Variants in PSD3 observed in about 807,000 individuals in gnomAD.
PSD3 encodes the protein pleckstrin and Sec7 domain containing 3.
PSD3 carries 49 observed loss-of-function variants against 105.5 expected under a neutral mutation model. The observed-to-expected ratio is 0.46, with a 90% CI of 0.37 to 0.59. The LOEUF (loss-of-function observed/expected upper bound fraction) is 0.59. PSD3 is among the 20% of genes least tolerant of loss of function. PSD3 has a pLI of 0.00. For synonymous variants in PSD3, 557 were observed against 457.8 expected, an observed-to-expected ratio of 1.22 and a Z score of -2.77; for missense variants, 1,561 against 1,263.8, an observed-to-expected ratio of 1.24 and a Z score of -3.57.
At chr8:18,559,513 C>A (rs1471797642) in intron 14 of PSD3, among the ~76,000 whole-genome samples, 1 of 152,026 alleles carries the variant, frequency 6.6e-6, no homozygotes, top group Non-Finnish European at 1.5e-5. Context: ...AAATCAAACT[C>A]TTTCTATTTG....
intron 1 of PSD3, among the ~76,000 whole-genome samples, chr8:18,966,570 A>T (rs1160852010): frequency 1.3e-4 from 2 of 15,556 alleles, no homozygotes; most frequent in Non-Finnish European, 3.7e-4. Flanking sequence ...GACTGTCTTA[A>T]AAAAAAAAAA....
At chr8:18,702,100 G>A (rs765729713) in intron 9 of PSD3, among the ~76,000 whole-genome samples, 1 of 152,184 alleles carries the variant, frequency 6.6e-6, no homozygotes, top group South Asian at 2.1e-4. Flanking sequence ...CAGATACTCC[G>A]ACTGATATTT....
chr8:18,543,310 C>G (rs1382399113), intron 15 of PSD3, among the ~76,000 whole-genome samples: 1 of 152,020 alleles, frequency 6.6e-6, no homozygotes, highest in African/African-American at 2.4e-5. Flanking sequence ...CTTCGATTAT[C>G]TGTAAAAATA....
intron 9 of PSD3, among the ~76,000 whole-genome samples, chr8:18,688,777 C>G (rs540776406): frequency 4.9e-4 from 74 of 152,286 alleles, no homozygotes; most frequent in African/African-American, 1.8e-3. Context: ...TGTCCTGCCC[C>G]ATCTGGCTCT....
chr8:18,856,939 A>C (rs1816057707), intron 4 of PSD3, among the ~76,000 whole-genome samples: 1 of 152,074 alleles, frequency 6.6e-6, no homozygotes, highest in African/African-American at 2.4e-5. Context: ...TGACTTAGAC[A>C]GAGAATTGAC....
chr8:18,727,841 T>A (rs890316371), intron 9 of PSD3, among the ~76,000 whole-genome samples: 6 of 152,144 alleles, frequency 3.9e-5, no homozygotes, highest in African/African-American at 1.4e-4. Context: ...TCCAAGTTTG[T>A]AACATATCCC....
chr8:19,068,244 A>T (rs1829141315), intron 1 of PSD3, among the ~76,000 whole-genome samples: 1 of 151,898 alleles, frequency 6.6e-6, no homozygotes, highest in South Asian at 2.1e-4. Context: ...ATTTTAAAAA[A>T]AAATAGATTC....
chr8:18,765,416 G>T, intron 9 of PSD3, 33 bp downstream of exon 9: 1 of 1,521,450 alleles, frequency 6.6e-7, no homozygotes, highest in Non-Finnish European at 9.1e-7. Context: ...AGAAATACAA[G>T]CATACACTAA....
chr8:19,071,117 T>C (rs1333956065), intron 1 of PSD3, among the ~76,000 whole-genome samples: 3 of 151,824 alleles, frequency 2.0e-5, no homozygotes, highest in Non-Finnish European at 4.4e-5. Flanking sequence ...TGGAGAGCAA[T>C]GGTGCAATCT....
chr8:18,946,316 C>T (rs1822852270), intron 1 of PSD3, among the ~76,000 whole-genome samples: 1 of 152,100 alleles, frequency 6.6e-6, no homozygotes, highest in South Asian at 2.1e-4. Flanking sequence ...GTGGCTCATG[C>T]TGTAATCTCA....
chr8:18,994,847 G>A (rs911439392), intron 1 of PSD3, among the ~76,000 whole-genome samples: 20 of 151,600 alleles, frequency 1.3e-4, no homozygotes, highest in Non-Finnish European at 2.9e-4. Flanking sequence ...ATGGTCTAAA[G>A]TATAGCAGAA....
At chr8:18,684,784 T>G (rs1005547785) in intron 9 of PSD3, among the ~76,000 whole-genome samples, 1 of 152,018 alleles carries the variant, frequency 6.6e-6, no homozygotes, top group East Asian at 1.9e-4. Context: ...TGGCACAGAG[T>G]GAGAGCAATA....
chr8:19,052,912 T>C (rs1019757556), intron 1 of PSD3, among the ~76,000 whole-genome samples: 1 of 152,128 alleles, frequency 6.6e-6, no homozygotes, highest in African/African-American at 2.4e-5. Flanking sequence ...CCAGGCTTAC[T>C]TGTAGAGGGC....
At chr8:19,058,795 G>C (rs1488289234) in intron 1 of PSD3, among the ~76,000 whole-genome samples, 2 of 152,134 alleles carry the variant, frequency 1.3e-5, no homozygotes, top group African/African-American at 4.8e-5. Flanking sequence ...GGCCTGTAGG[G>C]TGAGAGGGAG....
chr8:18,657,003 G>A (rs920750951), intron 9 of PSD3, among the ~76,000 whole-genome samples: 5 of 152,206 alleles, frequency 3.3e-5, no homozygotes, highest in African/African-American at 9.7e-5. Context: ...ATATTATGAT[G>A]ATGTTGGAAC....
intron 2 of PSD3, among the ~76,000 whole-genome samples, chr8:18,893,282 T>G (rs780501340): frequency 6.6e-6 from 1 of 151,338 alleles, no homozygotes; most frequent in Non-Finnish European, 1.5e-5. Context: ...CCTGAGGGGG[T>G]TTATATAATA....
chr8:18,930,561 C>T (rs1367077605), intron 2 of PSD3, among the ~76,000 whole-genome samples: 1 of 145,836 alleles, frequency 6.9e-6, no homozygotes, highest in Non-Finnish European at 1.5e-5. Flanking sequence ...TCTTAACTAA[C>T]TTTTTCAATT....
chr8:18,647,208 G>T (rs1032735827), intron 10 of PSD3, among the ~76,000 whole-genome samples: 2 of 152,154 alleles, frequency 1.3e-5, no homozygotes, highest in African/African-American at 4.8e-5. Flanking sequence ...TTTGCAACAA[G>T]GAAATGAAAA....
chr8:18,649,281 T>G (rs1343082867), intron 10 of PSD3, among the ~76,000 whole-genome samples: 1 of 152,202 alleles, frequency 6.6e-6, no homozygotes, highest in Non-Finnish European at 1.5e-5. Context: ...GCCCAAGGCC[T>G]TGGGAGCCCA....
Sources: allele counts gnomAD v4.1 joint callset (sites outside exome capture counted in the v4.1 genomes callset), GRCh38; gene constraint gnomAD v4.1.1; transcripts MANE v1.5; gene names NCBI Gene and HGNC (gene_info 2026-07-23, HGNC 2026-07-21).